The following CPXM2 variants were observed in gnomAD, a reference collection of about 807,000 sequenced individuals.
CPXM2 encodes the protein carboxypeptidase X, M14 family member 2.
CPXM2 carries 66 observed loss-of-function variants against 86.1 expected under a neutral mutation model. The observed-to-expected ratio is 0.77, with a 90% CI of 0.63 to 0.94. CPXM2 has a LOEUF of 0.94. CPXM2 is among the 40% of genes least tolerant of loss of function. CPXM2 has a pLI of 0.00. For missense variants in CPXM2, 948 were observed against 1,026.3 expected (o/e 0.92, Z 1.04); for synonymous variants, 388 against 400.2 (o/e 0.97, Z 0.36).
At chr10:123,915,510 G>A (rs1242056681) in intron 2 of CPXM2, among the ~76,000 whole-genome samples, 1 of 152,126 alleles carries the variant, frequency 6.6e-6, no homozygotes, top group East Asian at 1.9e-4. Flanking sequence ...GTGAGTGGAG[G>A]TCGGGCCACT....
chr10:123,818,706 T>A (rs1370944414), intron 4 of CPXM2, among the ~76,000 whole-genome samples: 5 of 152,206 alleles, frequency 3.3e-5, no homozygotes, highest in Non-Finnish European at 5.9e-5. Context: ...ATGTTCCCCA[T>A]CATCCTGAAG....
chr10:123,761,115 C>A (rs1179179839), intron 11 of CPXM2, among the ~76,000 whole-genome samples: 2 of 152,198 alleles, frequency 1.3e-5, no homozygotes, highest in African/African-American at 2.4e-5. Context: ...GACCGCGGGG[C>A]CCTCTGGCTG....
chr10:123,913,785 G>C lies in CPXM2; in HGVS notation n.174+25692C>G, dbSNP rs973228423. The C allele has an allele frequency of 1.7e-5, 5 of 298,360 alleles. No individual in the cohort carries two copies. In the East Asian group the frequency reaches 4.6e-4, roughly 27 times the overall value. The allele number at this position is 298,360 out of a possible 1,614,324, so 18.5% of individuals were successfully genotyped here. On this transcript the variant is annotated intron_variant and non_coding_transcript_variant, in intron 2 of 19. Coordinates refer to the CPXM2 transcript ENST00000368854. The stretch of plus-strand genomic sequence containing the variant: ...CATGGTGACCAGCAGCTCCAGGTCC[G>C]CAGAGATAAAGCTCTGAAAGAAAGA...
chr10:123,856,118 A>C (rs1848717247), intron 3 of CPXM2, among the ~76,000 whole-genome samples: 1 of 152,144 alleles, frequency 6.6e-6, no homozygotes, highest in South Asian at 2.1e-4. Context: ...CTCTGATCTA[A>C]GCACCAACTT....
chr10:123,845,207 C>A (rs1848473420), intron 3 of CPXM2, among the ~76,000 whole-genome samples: 1 of 151,886 alleles, frequency 6.6e-6, no homozygotes, highest in African/African-American at 2.4e-5. Flanking sequence ...GGCAGGGGTG[C>A]CGTGATGGAT....
intron 2 of CPXM2, among the ~76,000 whole-genome samples, chr10:123,868,810 G>A (rs1345111964): frequency 2.6e-5 from 4 of 152,060 alleles, no homozygotes; most frequent in Admixed American, 2.0e-4. Flanking sequence ...CAGACACTGA[G>A]GACTGCATGG....
At chr10:123,933,458 C>T (rs1047991360) in intron 2 of CPXM2, among the ~76,000 whole-genome samples, 9 of 152,192 alleles carry the variant, frequency 5.9e-5, no homozygotes, top group Non-Finnish European at 1.3e-4. Context: ...GTTGCTCACG[C>T]CTATAATCTC....
At chr10:123,902,286 T>G (rs780305421) in intron 2 of CPXM2, among the ~76,000 whole-genome samples, 1 of 152,194 alleles carries the variant, frequency 6.6e-6, no homozygotes, top group Admixed American at 6.6e-5. Context: ...CCATTCTGAC[T>G]CTTCCCACGC....
intron 4 of CPXM2, among the ~76,000 whole-genome samples, chr10:123,834,049 G>A (rs562386430): frequency 6.6e-5 from 10 of 152,272 alleles, no homozygotes; most frequent in Admixed American, 5.2e-4. Flanking sequence ...ACTGAGGCCC[G>A]AAAGGCTCAG....
intron 1 of CPXM2, among the ~76,000 whole-genome samples, chr10:123,887,816 G>A (rs1945203503): frequency 6.6e-6 from 1 of 152,154 alleles, no homozygotes; most frequent in South Asian, 2.1e-4. Flanking sequence ...ACTGGGGGGA[G>A]CTGACAAAGC....
Position 123,862,638 on chromosome 10 carries a change from T to A in CPXM2, c.489A>T (p.Ala163=), listed in dbSNP as rs762122527. Residue 163 remains alanine (A), a synonymous_variant, in exon 3 of 14, where the codon GCA becomes GCT. Transcript: ENST00000241305. ...CCTGGATGTTGAGTCTCCCTCGATG[T>A]GCCCCCAGGCCATAGCGCTTCACCG... ...ASTVKRYGLG[A]HRGRLNIQAG... 6.2e-7 allele frequency: 1 copy of A among 1,614,174 alleles called. No individual in the cohort carries two copies. Among genetic ancestry groups the A allele is most frequent in the Non-Finnish European group, 8.5e-7 (1 of 1,180,014 alleles).
At chr10:123,792,288 C>T (rs1847222401) in intron 6 of CPXM2, among the ~76,000 whole-genome samples, 1 of 152,140 alleles carries the variant, frequency 6.6e-6, no homozygotes, top group African/African-American at 2.4e-5. Flanking sequence ...TGAGCACTAA[C>T]CATGCACTGG....
At chr10:123,775,587 C>G (rs1320169348) in intron 7 of CPXM2, among the ~76,000 whole-genome samples, 1 of 152,198 alleles carries the variant, frequency 6.6e-6, no homozygotes. Context: ...GGCTGGGCCA[C>G]GAGCCATCAG....
At chr10:123,829,422 C>G (rs1404224032) in intron 4 of CPXM2, among the ~76,000 whole-genome samples, 1 of 151,736 alleles carries the variant, frequency 6.6e-6, no homozygotes, top group African/African-American at 2.4e-5. Context: ...CCTCGGCCTC[C>G]CAAAGTGCTG....
rs1417417357 is a variant in CPXM2, at chr10:123,891,623, G to A, written c.37C>T (p.Leu13=). 10 of 1,488,318 alleles carry A rather than the reference G, an allele frequency of 6.7e-6. No homozygotes were observed. The highest frequency in any genetic ancestry group is 8.9e-6 in the Non-Finnish European group (10 of 1,118,490). The allele number at this position is 1,488,318 out of a possible 1,614,324, so 92.2% of individuals were successfully genotyped here. A position where few individuals can be genotyped will look rare whatever the true frequency, so the allele number is the denominator to read the frequency against. Residue 13 remains leucine (L), a synonymous_variant, in exon 1 of 14, where the codon CTG becomes TTG. Coordinates refer to ENST00000241305, the MANE Select transcript of CPXM2 (RefSeq NM_198148.3). This position sits in a 1 kb window ranked among gnomAD's most constrained non-coding sequence, Gnocchi z 5.6. The part of the protein sequence containing the change: ...RPGTATPALA[L]VLLAVTLAGV... ...GCCAGGGTCACTGCCAGGAGCACCA[G>A]GGCCAGCGCTGGGGTAGCGGTCCCC...
At chr10:123,760,807 A>G (rs568773412) in intron 11 of CPXM2, among the ~76,000 whole-genome samples, 35 of 152,252 alleles carry the variant, frequency 2.3e-4, no homozygotes, top group African/African-American at 8.2e-4. Flanking sequence ...CCTCTTCATC[A>G]TCATGCCCGT....
chr10:123,943,529 G>T (rs1590134438), upstream of CPXM2, among the ~76,000 whole-genome samples: 1 of 152,208 alleles, frequency 6.6e-6, no homozygotes, highest in African/African-American at 2.4e-5. Flanking sequence ...GGACCAGCAG[G>T]CTGCAGAGAG....
intron 3 of CPXM2, among the ~76,000 whole-genome samples, chr10:123,845,346 T>A (rs182714284): frequency 1.9e-4 from 29 of 151,072 alleles, no homozygotes; most frequent in African/African-American, 6.8e-4. Flanking sequence ...CAAACTATAA[T>A]AGAGAACAGA....
rs7923770 is a variant in CPXM2, at chr10:123,754,435, T to C, written c.2017+228A>G. Among the ~76,000 whole-genome samples, 10,951 of 152,270 alleles carry C rather than the reference T, an allele frequency of 0.072. 503 individuals carry two copies. Among genetic ancestry groups the C allele is most frequent in the Middle Eastern group, 0.17 (50 of 294 alleles). On this transcript the variant is annotated intron_variant, in intron 13 of 13. Coordinates refer to ENST00000241305, the MANE Select transcript of CPXM2 (RefSeq NM_198148.3). This position sits in a 1 kb window ranked among gnomAD's most constrained non-coding sequence, Gnocchi z 4.0. ...TCCACTGTGCCTGGAGGCCAGCTGG[T>C]GGCTGCACAGCCATCCTGTGAAAGG...
Sources: allele counts gnomAD v4.1 joint callset (sites outside exome capture counted in the v4.1 genomes callset), GRCh38; gene constraint gnomAD v4.1.1; non-coding constraint Gnocchi (gnomAD v3.1); transcripts MANE v1.5; gene names NCBI Gene and HGNC (gene_info 2026-07-23, HGNC 2026-07-21).